The following N4BP2 variants were observed in gnomAD, a reference collection of about 807,000 sequenced individuals.
N4BP2 encodes the protein NEDD4 binding protein 2, also known as NEDD4-binding protein 2.
A neutral mutation model predicts 152.8 loss-of-function variants in N4BP2; 91 were observed. The observed-to-expected ratio is 0.60, with a 90% CI of 0.50 to 0.71. The LOEUF (loss-of-function observed/expected upper bound fraction) is 0.71. Among genes scored for constraint, N4BP2 ranks in the 30% least tolerant of loss-of-function variants. N4BP2 has a pLI of 0.00. For synonymous variants in N4BP2, 646 were observed against 705.3 expected (o/e 0.92, Z 1.33); for missense variants, 1,923 against 2,059.1 (o/e 0.93, Z 1.28).
chr4:40,145,391 T>G (rs1249371201), intron 16 of N4BP2, among the ~76,000 whole-genome samples: 3 of 152,028 alleles, frequency 2.0e-5, no homozygotes, highest in African/African-American at 4.8e-5. Context: ...GCCTAGCTAG[T>G]TTTTGTATTT....
intron 3 of N4BP2, among the ~76,000 whole-genome samples, chr4:40,099,149 C>T (rs1715379283): frequency 1.3e-5 from 2 of 152,158 alleles, no homozygotes; most frequent in African/African-American, 4.8e-5. Flanking sequence ...GCTGAATTGC[C>T]TACCAATGAG....
chr4:40,177,511 G>A, the N4BP2 span, among the ~76,000 whole-genome samples: 1 of 152,094 alleles, frequency 6.6e-6, no homozygotes, highest in East Asian at 1.9e-4. Flanking sequence ...AGCTACTCTG[G>A]AGGCTGAGGC....
At chr4:40,142,317 G>T in intron 14 of N4BP2, 1 of 317,960 alleles carries the variant, frequency 3.1e-6, no homozygotes, top group South Asian at 3.4e-5. Flanking sequence ...CGGTGGTGGC[G>T]ACGGCTGGAG....
intron 1 of N4BP2, among the ~76,000 whole-genome samples, chr4:40,072,895 T>C (rs1712352029): frequency 6.6e-6 from 1 of 151,806 alleles, no homozygotes. Flanking sequence ...AGCTAATTTT[T>C]ATTTTTAGCA....
chr4:40,082,697 CTG>C (rs1713508222), intron 2 of N4BP2, among the ~76,000 whole-genome samples: 1 of 151,724 alleles, frequency 6.6e-6, no homozygotes, highest in African/African-American at 2.4e-5. Context: ...TAACCACAGG[CTG>C]TATTCTTTTT....
chr4:40,057,681 C>G (rs1457220233), intron 1 of N4BP2, among the ~76,000 whole-genome samples: 1 of 152,154 alleles, frequency 6.6e-6, no homozygotes. Context: ...TCGGGACTCT[C>G]TCTAAGCCGT....
intron 16 of N4BP2, among the ~76,000 whole-genome samples, chr4:40,147,701 C>T (rs1242467360): frequency 6.6e-6 from 1 of 151,064 alleles, no homozygotes; most frequent in Admixed American, 6.6e-5. Context: ...ACCTCCCTCC[C>T]AGACGGGGCG....
chr4:40,185,436 G>C, the N4BP2 span, among the ~76,000 whole-genome samples: 22 of 152,104 alleles, frequency 1.4e-4, no homozygotes, highest in African/African-American at 4.8e-4. Flanking sequence ...CCCTTTCAAA[G>C]TATTTTTAGA....
chr4:40,092,242 ATGTT>A (rs1195854434), intron 2 of N4BP2, among the ~76,000 whole-genome samples: 8 of 150,748 alleles, frequency 5.3e-5, no homozygotes, highest in Admixed American at 4.6e-4. Flanking sequence ...TTTCCTAAAA[ATGTT>A]TGTTAGAATT....
chr4:40,149,493 T>A (rs1192673718), intron 16 of N4BP2, among the ~76,000 whole-genome samples: 1 of 151,962 alleles, frequency 6.6e-6, no homozygotes, highest in African/African-American at 2.4e-5. Flanking sequence ...GTTCTGGAAT[T>A]AGTGGTGGTG....
intron 4 of N4BP2, among the ~76,000 whole-genome samples, chr4:40,104,293 A>ACCATTAG (rs1191998189): frequency 6.7e-6 from 1 of 150,090 alleles, no homozygotes; most frequent in Non-Finnish European, 1.5e-5. Context: ...CCAAATTTTA[A>ACCATTAG]CCATTAGCCT....
chr4:40,092,118 T>A (rs1368331882), intron 2 of N4BP2, among the ~76,000 whole-genome samples: 3 of 144,466 alleles, frequency 2.1e-5, no homozygotes, highest in Non-Finnish European at 4.5e-5. Context: ...TGGTCTGTAG[T>A]TTTTTTGTAC....
At chr4:40,143,417 G>A (rs929206178) in intron 15 of N4BP2, among the ~76,000 whole-genome samples, 1 of 152,084 alleles carries the variant, frequency 6.6e-6, no homozygotes, top group Non-Finnish European at 1.5e-5. Context: ...AGGCTCAGGT[G>A]AACCTCCCAC....
Position 40,102,876 on chromosome 4 carries a change from G to C in N4BP2, c.1031G>C (p.Cys344Ser), listed in dbSNP as rs1195397584. ...ACTAAGGGGAAGGATGTGAGTTACT[G>C]CCCGGTACTTGCTCCTCTCCCATTG... ...LPTKGKDVSY[C>S]PVLAPLPLLL... Residue 344 changes from cysteine to serine, a missense_variant, in exon 4 of 18, where the codon TGC becomes TCC. By Grantham distance (112) the Cys-to-Ser change is moderately radical (BLOSUM62 -1). Coordinates refer to ENST00000261435, the MANE Select transcript of N4BP2 (RefSeq NM_018177.6). 10 of 1,614,074 alleles carry C rather than the reference G, an allele frequency of 6.2e-6. No individual in the cohort carries two copies. The Admixed American group carries it at 1.5e-4, about 24-fold the overall frequency.
intron 17 of N4BP2, 98 bp downstream of exon 17, chr4:40,153,001 T>TA (rs1721282371): frequency 1.7e-6 from 2 of 1,192,992 alleles, no homozygotes; most frequent in Non-Finnish European, 2.4e-6. Flanking sequence ...ATAATAGCAA[T>TA]AGCCCTAATA....
At chr4:40,080,310 GTA>G (rs140955860) in intron 2 of N4BP2, among the ~76,000 whole-genome samples, 7 of 147,052 alleles carry the variant, frequency 4.8e-5, no homozygotes, top group Non-Finnish European at 7.5e-5. Flanking sequence ...AGTGTGAGCT[GTA>G]TATATATATA....
At position 40,097,466 on chromosome 4, in the gene N4BP2, G is replaced by A; in HGVS notation, c.126G>A (p.Glu42=). ...CCACTACTCTACCTTCCATGGGTGA[G>A]ACAAAAGTTGATCAGGAAGAACTCT... is the stretch of plus-strand genomic sequence containing the variant. ...EPTTTLPSMG[E]TKVDQEELFT... is the part of the protein sequence containing the mutation. Residue 42 remains glutamate, a synonymous_variant, in exon 3 of 18, where the codon GAG becomes GAA. Coordinates refer to ENST00000261435, the MANE Select transcript of N4BP2 (RefSeq NM_018177.6). 3 of 1,614,076 alleles carry A rather than the reference G, an allele frequency of 1.9e-6. No homozygotes were observed. Among genetic ancestry groups the A allele is most frequent in the Non-Finnish European group, 2.5e-6 (3 of 1,179,974 alleles).
chr4:40,106,400 T>G (rs1716291882), intron 4 of N4BP2, among the ~76,000 whole-genome samples: 1 of 152,156 alleles, frequency 6.6e-6, no homozygotes, highest in African/African-American at 2.4e-5. Flanking sequence ...CACTGTAACC[T>G]AAACCCCCTG....
intron 1 of N4BP2, among the ~76,000 whole-genome samples, chr4:40,059,883 G>A (rs1399910462): frequency 6.6e-6 from 1 of 152,202 alleles, no homozygotes; most frequent in Non-Finnish European, 1.5e-5. Flanking sequence ...GACAGAGACT[G>A]AGAAGTATTA....
Sources: allele counts gnomAD v4.1 joint callset (sites outside exome capture counted in the v4.1 genomes callset), GRCh38; gene constraint gnomAD v4.1.1; transcripts MANE v1.5; gene names NCBI Gene and HGNC (gene_info 2026-07-23, HGNC 2026-07-21).